RTTN: variants seen among roughly 807,000 people sequenced by gnomAD.
RTTN encodes the protein rotatin.
Under a neutral mutation model 269.2 loss-of-function variants are expected in RTTN, and 182 were observed. That is an observed-to-expected ratio of 0.68 (90% CI 0.60 to 0.76). The LOEUF is 0.76. Ranked by LOEUF, RTTN falls within the 30% of genes least tolerant of loss-of-function variation. The pLI is 0.00. For missense variants in RTTN, 2,545 were observed against 2,608.6 expected (o/e 0.98, Z 0.53); for synonymous variants, 1,006 against 963.5 (o/e 1.04, Z -0.82).
chr18:70,133,466 C>A (rs1315891978), intron 23 of RTTN, among the ~76,000 whole-genome samples: 1 of 151,938 alleles, frequency 6.6e-6, no homozygotes, highest in Admixed American at 6.6e-5. Flanking sequence ...CATAATAGCC[C>A]AAAACAGAAA....
chr18:70,007,559 G>C (rs1391291577), intron 46 of RTTN: 1 of 152,318 alleles, frequency 6.6e-6, no homozygotes, highest in Non-Finnish European at 1.5e-5. Flanking sequence ...TGGGATGCTC[G>C]AGCTTGGTGG....
chr18:70,130,506 C>G (rs576380753), intron 23 of RTTN: 17 of 150,294 alleles, frequency 1.1e-4, no homozygotes, highest in Non-Finnish European at 2.5e-4. Flanking sequence ...GAAGTCATTA[C>G]GTTAACTGAA....
chr18:70,031,217 G>A, intron 40 of RTTN: 2 of 524,436 alleles, frequency 3.8e-6, no homozygotes, highest in African/African-American at 1.9e-5. Flanking sequence ...ATCATCTACA[G>A]AAAAAAGCTT....
At chr18:70,199,047 C>A (rs1427321267) in intron 5 of RTTN, among the ~76,000 whole-genome samples, 1 of 152,086 alleles carries the variant, frequency 6.6e-6, no homozygotes, top group African/African-American at 2.4e-5. Flanking sequence ...ATTAGCTCAG[C>A]GTGGTGGTGC....
At chr18:70,152,313 G>T (rs1415736274) in intron 14 of RTTN, among the ~76,000 whole-genome samples, 1 of 152,130 alleles carries the variant, frequency 6.6e-6, no homozygotes, top group Non-Finnish European at 1.5e-5. Flanking sequence ...AGCCTATAGG[G>T]TTCAAAGCCC....
intron 28 of RTTN, among the ~76,000 whole-genome samples, chr18:70,108,741 G>GA (rs1257759163): frequency 1.3e-5 from 2 of 151,698 alleles, no homozygotes; most frequent in East Asian, 1.9e-4. Flanking sequence ...GAATATAAGG[G>GA]AAAAATCATG....
chr18:70,104,512 C>G (rs2059267556), intron 28 of RTTN, among the ~76,000 whole-genome samples: 1 of 152,222 alleles, frequency 6.6e-6, no homozygotes, highest in African/African-American at 2.4e-5. Context: ...AAGTCATTCT[C>G]CGTCCAGCTT....
chr18:70,042,398 C>T (rs1175742694), intron 40 of RTTN, among the ~76,000 whole-genome samples: 5 of 94,736 alleles, frequency 5.3e-5, no homozygotes, highest in Admixed American at 1.7e-4. Flanking sequence ...TTTTTTGAGA[C>T]GGAGTCTCGC....
Position 70,176,796 on chromosome 18 carries a change from T to C in RTTN, c.1355A>G (p.Tyr452Cys), listed in dbSNP as rs754287552. ...VLGALGETMC[Y>C]HKSSISLEQP... ...CTCCAAACTGATACTACTTTTATGG[T>C]AGCACATGGTTTCTCCAAGGGCTCC... is the stretch of plus-strand genomic sequence containing the variant. Residue 452 changes from tyrosine to cysteine, a missense_variant, in exon 11 of 49, where the codon TAC becomes TGC. Physicochemically the swap from Tyr to Cys is radical, Grantham distance 194 (BLOSUM62 -2). Transcript: ENST00000640769. The C allele has an allele frequency of 1.4e-5, 22 of 1,613,942 alleles. No individual in the cohort carries two copies. Among genetic ancestry groups the C allele is most frequent in the South Asian group, 6.6e-5 (6 of 91,078 alleles).
intron 40 of RTTN, among the ~76,000 whole-genome samples, 171 bp downstream of exon 40, chr18:70,047,800 G>A (rs1010481953): frequency 2.6e-5 from 4 of 152,192 alleles, no homozygotes; most frequent in African/African-American, 9.6e-5. Flanking sequence ...GTGGGGCTAA[G>A]GAGGAGATAG....
At chr18:70,127,481 C>A (rs370815331) in intron 25 of RTTN, 21 bp downstream of exon 25, 41 of 1,607,892 alleles carry the variant, frequency 2.5e-5, no homozygotes, top group Non-Finnish European at 3.1e-5. Context: ...TTGAAACTGG[C>A]AGCCTTGACC....
chr18:70,113,152 G>A (rs2059516997), intron 27 of RTTN, among the ~76,000 whole-genome samples: 1 of 151,916 alleles, frequency 6.6e-6, no homozygotes, highest in African/African-American at 2.4e-5. Flanking sequence ...AGAATCTCTG[G>A]GACATATTTA....
chr18:70,113,194 A>G (rs879591310), intron 27 of RTTN, among the ~76,000 whole-genome samples: 23 of 152,272 alleles, frequency 1.5e-4, no homozygotes, highest in Admixed American at 6.5e-4. Context: ...AAAAAAGGAA[A>G]ATTTCAGGCC....
chr18:70,159,116 C>G (rs892490493), intron 14 of RTTN, among the ~76,000 whole-genome samples: 5 of 152,252 alleles, frequency 3.3e-5, no homozygotes, highest in South Asian at 4.1e-4. Context: ...GAGTACTCCA[C>G]TCAACAAAAG....
chr18:70,113,639 A>G (rs1467713977), intron 27 of RTTN, among the ~76,000 whole-genome samples: 1 of 152,202 alleles, frequency 6.6e-6, no homozygotes, highest in Non-Finnish European at 1.5e-5. Flanking sequence ...AGGTAGAAAC[A>G]GATCAAATGT....
In RTTN at chr18:70,190,588, G is replaced by C; in HGVS notation, c.1139C>G (p.Pro380Arg). 1 of 1,613,858 alleles carries C rather than the reference G, an allele frequency of 6.2e-7. No individual in the cohort carries two copies. Among genetic ancestry groups the C allele is most frequent in the Non-Finnish European group, 8.5e-7 (1 of 1,179,794 alleles). ...LELQFQQLSL[P>R]QFCVSILESA... ...TTCCAGAATGGAGACACAAAACTGG[G>C]GAAGACTGAGCTGCTGGAATTGTAG... Residue 380 changes from proline (P) to arginine (R), a missense_variant, in exon 9 of 49, where the codon CCC becomes CGC. By Grantham distance (103) the Pro-to-Arg change is moderately radical. Transcript: ENST00000640769.
rs113341500 is a variant in RTTN, at chr18:70,204,297, T to C, written c.220-34A>G. ...AGAAGAGGATGATCTTGAGAATAAC[T>C]GTATCAAAATCTCTATAACTTACAG... is the stretch of plus-strand genomic sequence containing the variant. On this transcript the variant is annotated intron_variant, in intron 2 of 48. Coordinates refer to ENST00000640769, the MANE Select transcript of RTTN (RefSeq NM_173630.4). 21,977 of 1,553,184 alleles carry C rather than the reference T, an allele frequency of 0.014. 189 individuals are homozygous for C. The highest frequency in any genetic ancestry group is 0.016 in the Non-Finnish European group (17,996 of 1,142,728).
chr18:70,019,758 T>C (rs1282077030), intron 45 of RTTN: 1 of 152,210 alleles, frequency 6.6e-6, no homozygotes, highest in Non-Finnish European at 1.5e-5. Flanking sequence ...TGAAAACATC[T>C]TTCCTTGGTA....
chr18:70,171,178 A>C (rs2061133632), intron 11 of RTTN, among the ~76,000 whole-genome samples: 2 of 152,228 alleles, frequency 1.3e-5, no homozygotes, highest in South Asian at 4.1e-4. Context: ...GGCATTTAAC[A>C]ATCACAAATG....
Sources: gnomAD v4.1 joint callset for allele counts (sites outside exome capture counted in the v4.1 genomes callset) on GRCh38, gnomAD v4.1.1 for gene constraint, MANE v1.5 for transcripts, NCBI Gene and HGNC (gene_info 2026-07-23, HGNC 2026-07-21) for gene names.